EXOC4: variants seen among roughly 807,000 people sequenced by gnomAD.
EXOC4 encodes SEC8-like 1.
EXOC4 carries 71 observed loss-of-function variants against 107.2 expected under a neutral mutation model. That is an observed-to-expected ratio of 0.66 (90% CI 0.55 to 0.81). EXOC4 has a LOEUF of 0.81. Among genes scored for constraint, EXOC4 ranks in the 30% least tolerant of loss-of-function variants. The pLI is 0.00. For synonymous variants in EXOC4, 456 were observed against 441.2 expected (o/e 1.03, Z -0.42); for missense variants, 1,108 against 1,189.6 (o/e 0.93, Z 1.01).
chr7:133,358,781 CT>C (rs5887621), intron 6 of EXOC4, among the ~76,000 whole-genome samples: 147,495 of 150,622 alleles, frequency 0.98, 72,267 homozygotes, highest in Non-Finnish European at 1. Context: ...GGAGTTTCAT[CT>C]TTTTTTTTTT....
chr7:133,573,931 T>C (rs145955808), intron 9 of EXOC4, among the ~76,000 whole-genome samples: 87 of 152,360 alleles, frequency 5.7e-4, no homozygotes, highest in African/African-American at 2.0e-3. Context: ...TTCTACTGTG[T>C]AGAGAGATTC....
intron 3 of EXOC4, among the ~76,000 whole-genome samples, chr7:133,294,882 A>G (rs1350127732): frequency 6.6e-6 from 1 of 152,092 alleles, no homozygotes; most frequent in Admixed American, 6.6e-5. Flanking sequence ...AGGTCGTCTG[A>G]TGCTTGAATC....
intron 7 of EXOC4, among the ~76,000 whole-genome samples, chr7:133,392,793 T>C (rs975569567): frequency 2.0e-5 from 3 of 152,210 alleles, no homozygotes; most frequent in Non-Finnish European, 4.4e-5. Flanking sequence ...GCAAATTTAA[T>C]TTCAGGTTCA....
At chr7:133,260,512 G>T (rs1236569332) in intron 1 of EXOC4, among the ~76,000 whole-genome samples, 1 of 152,182 alleles carries the variant, frequency 6.6e-6, no homozygotes, top group African/African-American at 2.4e-5. Flanking sequence ...GACCTCAAGT[G>T]ACCCACTTGC....
rs35643081 is a variant in EXOC4, at chr7:133,446,357, C to G, written c.1183-28971C>G. Among the ~76,000 whole-genome samples, 860 of 152,276 alleles carry G rather than the reference C, an allele frequency of 5.6e-3. 2 individuals are homozygous for G. Among genetic ancestry groups the G allele is most frequent in the Middle Eastern group, 0.01 (3 of 294 alleles). On this transcript the variant is annotated intron_variant, in intron 7 of 17. Transcript: ENST00000253861. ...GATGCTTTTTATTTTTCGCCCTACTCTGTGCTGTAAAATTATCTCTGGAGA... is the reference window on the plus strand; with the variant it reads ...GATGCTTTTTATTTTTCGCCCTACTGTGTGCTGTAAAATTATCTCTGGAGA...
At chr7:133,313,995 A>G (rs1228321552) in intron 4 of EXOC4, among the ~76,000 whole-genome samples, 1 of 152,192 alleles carries the variant, frequency 6.6e-6, no homozygotes. Context: ...GTAATCATGT[A>G]TTTAAAATGA....
At chr7:133,647,560 A>C (rs1803024012) in intron 10 of EXOC4, among the ~76,000 whole-genome samples, 1 of 152,088 alleles carries the variant, frequency 6.6e-6, no homozygotes, top group Non-Finnish European at 1.5e-5. Flanking sequence ...TCAAACCTAG[A>C]CAGAAGGACC....
intron 1 of EXOC4, 47 bp downstream of exon 1, chr7:133,253,234 G>A (rs1794932632): frequency 6.3e-7 from 1 of 1,593,932 alleles, no homozygotes; most frequent in Non-Finnish European, 8.6e-7. Context: ...GCAGCGGCTC[G>A]ACCTCCGCTT....
chr7:134,051,222 C>T (rs183195656), intron 17 of EXOC4, among the ~76,000 whole-genome samples: 1 of 152,296 alleles, frequency 6.6e-6, no homozygotes, highest in East Asian at 1.9e-4. Flanking sequence ...GACATCTGAG[C>T]ATTATATATA....
At chr7:133,608,640 C>T (rs1011550871) in intron 9 of EXOC4, among the ~76,000 whole-genome samples, 2 of 145,306 alleles carry the variant, frequency 1.4e-5, no homozygotes, top group African/African-American at 2.6e-5. Context: ...GCCTCTTACT[C>T]CCTGGTTCAA....
At chr7:133,515,460 A>G (rs1563093522) in intron 9 of EXOC4, among the ~76,000 whole-genome samples, 1 of 152,204 alleles carries the variant, frequency 6.6e-6, no homozygotes, top group East Asian at 1.9e-4. Context: ...ACATATACAT[A>G]TACATATAGT....
At chr7:133,834,936 G>A (rs1168822182) in intron 11 of EXOC4, among the ~76,000 whole-genome samples, 1 of 152,066 alleles carries the variant, frequency 6.6e-6, no homozygotes, top group African/African-American at 2.4e-5. Context: ...GATAGTGAAT[G>A]AGTCTCACGA....
intron 10 of EXOC4, among the ~76,000 whole-genome samples, chr7:133,756,140 C>T (rs1585124518): frequency 6.6e-6 from 1 of 152,128 alleles, no homozygotes; most frequent in East Asian, 1.9e-4. Flanking sequence ...CATATTTTTT[C>T]ATATTTCCAT....
rs145014376 is a variant in EXOC4, at chr7:133,349,946, G to T, written c.764-6384G>T. 6.4e-3 allele frequency among the ~76,000 whole-genome samples: 967 copies of T among 152,008 alleles called. 9 individuals are homozygous for T. Among genetic ancestry groups the T allele is most frequent in the African/African-American group, 0.022 (920 of 41,478 alleles). ...TTTTCCTAATGATTAGTGATGTTAGGCATCATTTCAAGTGCATATTGGCCA... is the reference window on the plus strand; with the variant it reads ...TTTTCCTAATGATTAGTGATGTTAGTCATCATTTCAAGTGCATATTGGCCA... On this transcript the variant is annotated intron_variant, in intron 5 of 17. Transcript: ENST00000253861.
intron 17 of EXOC4, among the ~76,000 whole-genome samples, chr7:134,012,742 A>C (rs1245261616): frequency 6.6e-6 from 1 of 152,196 alleles, no homozygotes; most frequent in Admixed American, 6.5e-5. Flanking sequence ...AAGTAGATGA[A>C]AAAGAGAAGC....
intron 10 of EXOC4, among the ~76,000 whole-genome samples, chr7:133,717,314 A>G (rs531829951): frequency 1.5e-4 from 23 of 152,224 alleles, no homozygotes; most frequent in Non-Finnish European, 3.2e-4. Flanking sequence ...CTATTAGGTT[A>G]GTATTATTCA....
chr7:133,828,177 C>G (rs1187682466), intron 11 of EXOC4, among the ~76,000 whole-genome samples: 1 of 152,186 alleles, frequency 6.6e-6, no homozygotes, highest in Admixed American at 6.5e-5. Flanking sequence ...CATTAACACT[C>G]TGTCACTCAG....
At chr7:133,536,334 T>A (rs182360627) in intron 9 of EXOC4, among the ~76,000 whole-genome samples, 2 of 152,278 alleles carry the variant, frequency 1.3e-5, no homozygotes, top group East Asian at 3.9e-4. Flanking sequence ...TCCCTCCTCC[T>A]CTTTTTCTTC....
chr7:133,688,264 A>C (rs531584811), intron 10 of EXOC4, among the ~76,000 whole-genome samples: 2 of 152,308 alleles, frequency 1.3e-5, no homozygotes, highest in East Asian at 1.9e-4. Flanking sequence ...CACACAGTGC[A>C]TGGAATAGGC....
Sources: allele counts gnomAD v4.1 joint callset (sites outside exome capture counted in the v4.1 genomes callset), GRCh38; gene constraint gnomAD v4.1.1; transcripts MANE v1.5; gene names NCBI Gene and HGNC (gene_info 2026-07-23, HGNC 2026-07-21).